The following RGS6 variants were observed in gnomAD, a reference collection of about 807,000 sequenced individuals.
RGS6 encodes the protein regulator of G-protein signaling 6.
A neutral mutation model predicts 78.5 loss-of-function variants in RGS6; 30 were observed. The observed-to-expected ratio is 0.38, with a 90% CI of 0.29 to 0.52. RGS6 has a LOEUF of 0.52. RGS6 is among the 20% of genes least tolerant of loss of function. The pLI is 0.85. For synonymous variants in RGS6, 206 were observed against 206.0 expected (o/e 1.00, Z 0.00); for missense variants, 495 against 609.7 (o/e 0.81, Z 1.98).
chr14:72,297,429 A>AT (rs56203938), intron 2 of RGS6, among the ~76,000 whole-genome samples: 1 of 139,874 alleles, frequency 7.1e-6, no homozygotes, highest in Non-Finnish European at 1.5e-5. Flanking sequence ...TATTATTATT[A>AT]TTTTTTTTTT....
intron 2 of RGS6, among the ~76,000 whole-genome samples, chr14:72,004,693 C>A (rs2084168526): frequency 6.6e-6 from 1 of 152,106 alleles, no homozygotes; most frequent in Admixed American, 6.5e-5. Flanking sequence ...GGCATGGTGG[C>A]ATACACCTGT....
intron 2 of RGS6, among the ~76,000 whole-genome samples, chr14:72,244,665 C>G (rs552963207): frequency 6.6e-6 from 1 of 152,192 alleles, no homozygotes; most frequent in South Asian, 2.1e-4. Context: ...CAAGCTCCCC[C>G]ATACCTGCAC....
At chr14:72,617,816 TG>T in the RGS6 span, among the ~76,000 whole-genome samples, 1 of 152,148 alleles carries the variant, frequency 6.6e-6, no homozygotes, top group East Asian at 1.9e-4. Flanking sequence ...AAAAATAACC[TG>T]GGCCTTTGTT....
chr14:72,285,565 A>T lies in RGS6; in HGVS notation c.85-66530A>T, dbSNP rs889216945. On this transcript the variant is annotated intron_variant, in intron 2 of 17. Coordinates refer to ENST00000553525, the MANE Select transcript of RGS6 (RefSeq NM_001204424.2). ...TCTTGTGTATGTCTTTATCAGCAGC[A>T]TGAAAATGGACTAATCCAATCTCCA... Among the ~76,000 whole-genome samples, 9 of 152,304 alleles carry T rather than the reference A, an allele frequency of 5.9e-5. No individual in the cohort carries two copies. The East Asian group carries it at 1.2e-3, about 20-fold the overall frequency.
intron 1 of RGS6, among the ~76,000 whole-genome samples, chr14:71,953,482 AC>A (rs2092524095): frequency 6.6e-6 from 1 of 151,856 alleles, no homozygotes; most frequent in South Asian, 2.1e-4. Flanking sequence ...TGTTCTTTCA[AC>A]TTTTTTTTCA....
At chr14:72,606,645 C>A in the RGS6 span, among the ~76,000 whole-genome samples, 2 of 152,202 alleles carry the variant, frequency 1.3e-5, no homozygotes, top group South Asian at 2.1e-4. Flanking sequence ...TGGATCCTTC[C>A]ACTTTTCCCC....
chr14:72,613,173 G>A, the RGS6 span, among the ~76,000 whole-genome samples: 10 of 152,300 alleles, frequency 6.6e-5, 1 homozygote, highest in South Asian at 2.1e-3. Context: ...ATATAACCTG[G>A]GAGTCTGTAG....
intron 2 of RGS6, among the ~76,000 whole-genome samples, chr14:72,071,663 G>A (rs546298021): frequency 1.6e-4 from 25 of 152,178 alleles, no homozygotes; most frequent in African/African-American, 6.0e-4. Flanking sequence ...ATATCTATGT[G>A]CATATTCGTA....
chr14:72,541,383 A>G, intron 17 of RGS6: 1 of 1,431,958 alleles, frequency 7.0e-7, no homozygotes, highest in Non-Finnish European at 9.4e-7. Context: ...AAATAACTCT[A>G]GTGGGTGGCA....
intron 2 of RGS6, among the ~76,000 whole-genome samples, chr14:72,332,278 C>T (rs1039546509): frequency 1.3e-5 from 2 of 152,150 alleles, no homozygotes; most frequent in African/African-American, 4.8e-5. Context: ...AACGCTTTGC[C>T]AAAAAAGAGC....
chr14:72,166,519 T>C (rs540270036), intron 2 of RGS6, among the ~76,000 whole-genome samples: 1 of 152,346 alleles, frequency 6.6e-6, no homozygotes, highest in Non-Finnish European at 1.5e-5. Context: ...ATTTTCTAGA[T>C]GGAGAAGATC....
At chr14:72,018,022 GTGTT>G (rs879788216) in intron 2 of RGS6, among the ~76,000 whole-genome samples, 16 of 152,122 alleles carry the variant, frequency 1.1e-4, no homozygotes, top group Non-Finnish European at 1.8e-4. Context: ...AGAAAATACA[GTGTT>G]TGGTTTTCTT....
chr14:71,969,917 C>T (rs1051772895), intron 2 of RGS6, among the ~76,000 whole-genome samples: 11 of 152,066 alleles, frequency 7.2e-5, no homozygotes, highest in African/African-American at 2.4e-4. Context: ...ACTATATGCA[C>T]GTTTAAAGGT....
chr14:72,371,710 G>A (rs546994965), intron 3 of RGS6, among the ~76,000 whole-genome samples: 20 of 152,280 alleles, frequency 1.3e-4, no homozygotes, highest in African/African-American at 4.3e-4. Context: ...GCAGTGAGCC[G>A]AGATCGCACC....
the RGS6 span, among the ~76,000 whole-genome samples, chr14:71,909,351 G>A: frequency 3.0e-4 from 45 of 152,108 alleles, no homozygotes; most frequent in Non-Finnish European, 5.3e-4. Flanking sequence ...CCTCTCTTCG[G>A]GCAACAGAGT....
At chr14:72,545,671 A>T (rs1454654561) in intron 17 of RGS6, among the ~76,000 whole-genome samples, 1 of 152,114 alleles carries the variant, frequency 6.6e-6, no homozygotes, top group Non-Finnish European at 1.5e-5. Flanking sequence ...CTGGGAAATA[A>T]ACTGTGGATA....
intron 2 of RGS6, among the ~76,000 whole-genome samples, chr14:72,213,204 C>G (rs931620252): frequency 2.0e-5 from 3 of 152,120 alleles, no homozygotes; most frequent in South Asian, 2.1e-4. Context: ...TAACACTACT[C>G]CTGTATATTT....
intron 2 of RGS6, among the ~76,000 whole-genome samples, chr14:72,127,955 A>G (rs1283443983): frequency 6.6e-6 from 1 of 151,972 alleles, no homozygotes; most frequent in Non-Finnish European, 1.5e-5. Flanking sequence ...TTCCCTCAGC[A>G]TAATTGCCCA....
rs1294159254 is a variant in RGS6 at position 71,945,080 on chromosome 14, T to TA, written c.-21+12143dup. Among the ~76,000 whole-genome samples, 32 of 152,330 alleles carry TA rather than the reference T, an allele frequency of 2.1e-4. No homozygotes were observed. In the South Asian group the frequency reaches 3.3e-3, roughly 16 times the overall value. On this transcript the variant is annotated intron_variant, in intron 1 of 17. Transcript: ENST00000553525. ...GTGGTGCATGACTGTAATTGGTTAT[T>TA]AAAACAATTGTTTGATTTCAGAGTA... is the stretch of plus-strand genomic sequence containing the variant.
Sources: gnomAD v4.1 joint callset for allele counts (sites outside exome capture counted in the v4.1 genomes callset) on GRCh38, gnomAD v4.1.1 for gene constraint, MANE v1.5 for transcripts, NCBI Gene and HGNC (gene_info 2026-07-23, HGNC 2026-07-21) for gene names.